Variants in NCKAP5 observed in about 807,000 individuals in gnomAD.
The protein encoded by NCKAP5 is nck-associated protein 5.
Under a neutral mutation model 167.0 loss-of-function variants are expected in NCKAP5, and 92 were observed. That is an observed-to-expected ratio of 0.55 (90% CI 0.47 to 0.66). The LOEUF is 0.66. NCKAP5 is among the 30% of genes least tolerant of loss of function. The pLI, the probability that NCKAP5 is intolerant of heterozygous loss-of-function variation, is 0.00. For missense variants in NCKAP5, 2,378 were observed against 2,315.0 expected (o/e 1.03, Z -0.56); for synonymous variants, 891 against 877.4 (o/e 1.02, Z -0.27).
At chr2:132,927,033 A>G (rs1314234211) in intron 8 of NCKAP5, among the ~76,000 whole-genome samples, 1 of 152,190 alleles carries the variant, frequency 6.6e-6, no homozygotes, top group Non-Finnish European at 1.5e-5. Flanking sequence ...TTGATTCATC[A>G]TTATTAATTT....
chr2:133,167,277 G>A (rs2084038771), intron 5 of NCKAP5, among the ~76,000 whole-genome samples: 1 of 152,150 alleles, frequency 6.6e-6, no homozygotes, highest in Non-Finnish European at 1.5e-5. Flanking sequence ...ATCACTCAGG[G>A]TGGAAGGCAG....
chr2:133,373,387 A>G (rs377406278), intron 3 of NCKAP5, among the ~76,000 whole-genome samples: 9 of 152,322 alleles, frequency 5.9e-5, no homozygotes, highest in African/African-American at 2.2e-4. Flanking sequence ...CTACAGGGAA[A>G]ACTACAACTC....
the NCKAP5 span, among the ~76,000 whole-genome samples, chr2:133,580,741 T>G: frequency 6.6e-6 from 1 of 152,228 alleles, no homozygotes; most frequent in Non-Finnish European, 1.5e-5. Flanking sequence ...AGAACATTTG[T>G]GCATTTGTGG....
intron 8 of NCKAP5, chr2:132,926,087 T>C (rs572596744): frequency 2.6e-4 from 63 of 242,890 alleles, no homozygotes; most frequent in African/African-American, 8.3e-4. Flanking sequence ...ACACTTTAGG[T>C]CCATGTGTAC....
At chr2:133,186,351 G>A in intron 5 of NCKAP5, among the ~76,000 whole-genome samples, 1 of 152,156 alleles carries the variant, frequency 6.6e-6, no homozygotes, top group East Asian at 1.9e-4. Context: ...GCTGAATTTG[G>A]TTTGTTAATA....
chr2:133,395,953 C>T (rs1461320224), intron 3 of NCKAP5, among the ~76,000 whole-genome samples: 1 of 152,116 alleles, frequency 6.6e-6, no homozygotes, highest in Non-Finnish European at 1.5e-5. Context: ...GCCTATTCCT[C>T]TACTCAACGT....
chr2:133,648,753 C>T, the NCKAP5 span, among the ~76,000 whole-genome samples: 12 of 150,850 alleles, frequency 8.0e-5, no homozygotes, highest in Non-Finnish European at 1.0e-4. Context: ...AAAAGCAATA[C>T]TAAAAGGGAA....
chr2:133,276,498 C>T (rs1213049858), intron 4 of NCKAP5, among the ~76,000 whole-genome samples: 1 of 151,856 alleles, frequency 6.6e-6, no homozygotes, highest in African/African-American at 2.4e-5. Context: ...TTGAAACTTT[C>T]TTTGGAAAAT....
intron 4 of NCKAP5, among the ~76,000 whole-genome samples, chr2:133,291,243 A>C (rs1200531861): frequency 6.6e-6 from 1 of 152,226 alleles, no homozygotes; most frequent in Non-Finnish European, 1.5e-5. Flanking sequence ...TTACAGGTTA[A>C]AGATGTGAAA....
intron 3 of NCKAP5, among the ~76,000 whole-genome samples, chr2:133,496,421 C>T (rs984162770): frequency 3.3e-5 from 5 of 152,118 alleles, no homozygotes; most frequent in Admixed American, 2.0e-4. Context: ...ATTTATAGGA[C>T]GAATTTTTTA....
the NCKAP5 span, among the ~76,000 whole-genome samples, chr2:133,633,653 C>T: frequency 9.2e-5 from 14 of 152,288 alleles, no homozygotes; most frequent in African/African-American, 3.1e-4. Flanking sequence ...ATCTACATCC[C>T]AACGCTTAGA....
At chr2:133,205,525 T>G (rs1390867132) in intron 5 of NCKAP5, among the ~76,000 whole-genome samples, 1 of 152,208 alleles carries the variant, frequency 6.6e-6, no homozygotes, top group African/African-American at 2.4e-5. Flanking sequence ...TTGCTTTACC[T>G]TCAAAATAAA....
intron 9 of NCKAP5, among the ~76,000 whole-genome samples, chr2:132,874,469 G>A (rs943018617): frequency 1.3e-5 from 2 of 152,120 alleles, no homozygotes; most frequent in Non-Finnish European, 2.9e-5. Flanking sequence ...GAGTGTCCTG[G>A]GAATGATTCT....
At chr2:133,521,890 C>A (rs1333260344) in intron 2 of NCKAP5, among the ~76,000 whole-genome samples, 1 of 152,170 alleles carries the variant, frequency 6.6e-6, no homozygotes, top group South Asian at 2.1e-4. Flanking sequence ...ATTCCTAAGT[C>A]TAAAAAACTA....
At chr2:133,275,936 AT>A (rs557175247) in intron 4 of NCKAP5, among the ~76,000 whole-genome samples, 100 of 151,362 alleles carry the variant, frequency 6.6e-4, no homozygotes, top group Non-Finnish European at 1.0e-3. Context: ...TTATACACAG[AT>A]TTTTTTTTCA....
rs76671220 is a variant in NCKAP5, at chr2:133,358,309, C to T, written c.70-55199G>A. Among the ~76,000 whole-genome samples the T allele has an allele frequency of 3.3e-4, 50 of 152,258 alleles. No homozygotes were observed. In the East Asian group the frequency reaches 9.1e-3, roughly 28 times the overall value. ...TGTTGAACCAGGCTGAGTGCAGTGG[C>T]TCACACCCGTAATCTCAGTGGGAGT... On this transcript the variant is annotated intron_variant, in intron 3 of 19. Transcript: ENST00000409261.
chr2:133,674,743 G>A, the NCKAP5 span, among the ~76,000 whole-genome samples: 3 of 151,972 alleles, frequency 2.0e-5, no homozygotes, highest in Non-Finnish European at 4.4e-5. Context: ...TCTTTCATTC[G>A]ATCAATGTTC....
chr2:132,963,933 C>T, intron 7 of NCKAP5, 64 bp from the exon 8 acceptor site: 3 of 1,572,128 alleles, frequency 1.9e-6, no homozygotes, highest in Non-Finnish European at 1.7e-6. Flanking sequence ...GAGTGTGAGG[C>T]TGAAAAGGCT....
chr2:132,965,280 C>T (rs745443362), intron 7 of NCKAP5, among the ~76,000 whole-genome samples: 1 of 152,178 alleles, frequency 6.6e-6, no homozygotes, highest in African/African-American at 2.4e-5. Flanking sequence ...TTAAGATGTA[C>T]ATCCACAGGC....
Sources: gnomAD v4.1 joint callset for allele counts (sites outside exome capture counted in the v4.1 genomes callset) on GRCh38, gnomAD v4.1.1 for gene constraint, MANE v1.5 for transcripts, NCBI Gene and HGNC (gene_info 2026-07-23, HGNC 2026-07-21) for gene names.